Variants in SIK2 observed in about 807,000 individuals in gnomAD.
The protein encoded by SIK2 is serine/threonine-protein kinase SIK2.
SIK2 carries 29 observed loss-of-function variants against 103.2 expected under a neutral mutation model. That is an observed-to-expected ratio of 0.28 (90% CI 0.21 to 0.38). The LOEUF is 0.38. Ranked by LOEUF, SIK2 falls within the 10% of genes least tolerant of loss-of-function variation. SIK2 has a pLI of 1.00. For missense variants in SIK2, 879 were observed against 1,171.0 expected, an observed-to-expected ratio of 0.75 and a Z score of 3.64; for synonymous variants, 412 against 446.1, an observed-to-expected ratio of 0.92 and a Z score of 0.96.
chr11:111,724,064 C>T lies in SIK2; in HGVS notation c.2716C>T (p.Leu906Phe). 6.2e-7 allele frequency: 1 copy of T among 1,614,034 alleles called. No homozygotes were observed. The highest frequency in any genetic ancestry group is 8.5e-7 in the Non-Finnish European group (1 of 1,180,046). Residue 906 changes from leucine to phenylalanine, a missense_variant, in exon 15 of 15, where the codon CTC becomes TTC. Leu to Phe is a conservative substitution (Grantham distance 22). Around this residue, in one of 7 missense-constraint regions of SIK2, gnomAD observed 375 missense variants for 416.3 expected, o/e 0.90. Transcript: ENST00000304987. ...ACTAGCCCTCTCTGAGCTACCTGGACTCTTTGATTGTGAAATGCTAGACGC... is the reference window on the plus strand; with the variant it reads ...ACTAGCCCTCTCTGAGCTACCTGGATTCTTTGATTGTGAAATGCTAGACGC... ...DPLALSELPG[L>F]FDCEMLDAVD... is the part of the protein sequence containing the mutation.
At chr11:111,636,682 A>T (rs1312757342) in intron 3 of SIK2, among the ~76,000 whole-genome samples, 3 of 152,160 alleles carry the variant, frequency 2.0e-5, no homozygotes, top group African/African-American at 7.2e-5. Context: ...TGAAGAAAGG[A>T]TACATAAATA....
chr11:111,670,650 A>T (rs1324471763), intron 3 of SIK2, among the ~76,000 whole-genome samples: 1 of 152,258 alleles, frequency 6.6e-6, no homozygotes, highest in African/African-American at 2.4e-5. Flanking sequence ...TCTTGGATTT[A>T]TGCAGTTCTA....
At chr11:111,624,554 C>T (rs1239413416) in intron 3 of SIK2, among the ~76,000 whole-genome samples, 1 of 152,102 alleles carries the variant, frequency 6.6e-6, no homozygotes, top group East Asian at 1.9e-4. Flanking sequence ...TTCACTTATT[C>T]ATTCATTTAT....
At position 111,605,348 on chromosome 11, in the gene SIK2, A is replaced by G. The variant is rs1321261894; in HGVS notation, c.135+2650A>G. On this transcript the variant is annotated intron_variant, in intron 1 of 14. Coordinates refer to ENST00000304987, the MANE Select transcript of SIK2 (RefSeq NM_015191.3). ...AGCAGTTATTTATCCTTATTCGTTC[A>G]TTCACTGGATAAATGTTTGTGTGTT... Among the ~76,000 whole-genome samples the G allele has an allele frequency of 2.0e-5, 3 of 152,188 alleles. No homozygotes were observed. In the South Asian group the frequency reaches 6.2e-4, roughly 32 times the overall value.
intron 3 of SIK2, among the ~76,000 whole-genome samples, chr11:111,660,839 CTTTTTTTTTTTTTT>C (rs57174726): frequency 1.1e-5 from 1 of 90,398 alleles, no homozygotes; most frequent in African/African-American, 4.3e-5. Context: ...GTGAAGTTGG[CTTTTTTTTTTTTTT>C]TTTTTTTTTT....
chr11:111,691,787 C>G (rs1204056517), intron 4 of SIK2, among the ~76,000 whole-genome samples: 2 of 152,230 alleles, frequency 1.3e-5, no homozygotes, highest in Non-Finnish European at 2.9e-5. Flanking sequence ...AGCTTCTACT[C>G]TGCTCTTGGA....
rs1332556905 is a variant in SIK2, at chr11:111,602,464, G to A, written c.-100G>A. ...AGCGGGAGGGAAGGAGCGAAGGAGC[G>A]AAGGAGCAAGCGGAGCGGCCGTCGC... On this transcript the variant is annotated 5_prime_UTR_variant, in exon 1 of 15. Transcript: ENST00000304987. The surrounding 1 kb of genome is among the most constrained non-coding windows in gnomAD (Gnocchi z 4.5). 4 of 1,294,758 alleles carry A rather than the reference G, an allele frequency of 3.1e-6. No homozygotes were observed. The African/African-American group carries it at 6.2e-5, about 20-fold the overall frequency. 80.2% of individuals were successfully genotyped at this position (1,294,758 alleles called of 1,614,324 possible).
Position 111,644,918 on chromosome 11 carries a change from T to G in SIK2, c.316+24516T>G, listed in dbSNP as rs544631587. Among the ~76,000 whole-genome samples the G allele has an allele frequency of 1.5e-3, 223 of 152,362 alleles. 2 individuals are homozygous for G. The highest frequency in any genetic ancestry group is 5.2e-3 in the African/African-American group (217 of 41,586). On this transcript the variant is annotated intron_variant, in intron 3 of 14. Coordinates refer to ENST00000304987, the MANE Select transcript of SIK2 (RefSeq NM_015191.3). The stretch of plus-strand genomic sequence containing the variant: ...CTAATGGGCTGGGATTTTCATTTAT[T>G]CTTCTAGTAATTCAACAAATACTTG...
In SIK2 at chr11:111,618,898, TC is replaced by T. The variant is rs148881346; in HGVS notation, c.253-1440del. Among the ~76,000 whole-genome samples, 989 of 152,206 alleles carry T rather than the reference TC, an allele frequency of 6.5e-3. 10 individuals are homozygous for T. Among genetic ancestry groups the T allele is most frequent in the African/African-American group, 0.022 (923 of 41,526 alleles). ...ACAAGCACATGCCACTATACCTGGC[TC>T]ATTTTTTAATATTTTTTGCAGAGAC... On this transcript the variant is annotated intron_variant, in intron 2 of 14. Coordinates refer to ENST00000304987, the MANE Select transcript of SIK2 (RefSeq NM_015191.3).
At chr11:111,684,279 T>C (rs1419351834) in intron 3 of SIK2, among the ~76,000 whole-genome samples, 4 of 152,170 alleles carry the variant, frequency 2.6e-5, no homozygotes, top group Admixed American at 2.0e-4. Context: ...ATAGATTCCA[T>C]TGTGCTTCCT....
At position 111,720,437 on chromosome 11, in the gene SIK2, G is replaced by T. The variant is rs763203934; in HGVS notation, c.1496-41G>T. 1.5e-5 allele frequency: 23 copies of T among 1,544,744 alleles called. No homozygotes were observed. In the South Asian group the frequency reaches 2.9e-4, roughly 20 times the overall value. On this transcript the variant is annotated intron_variant, in intron 10 of 14. Transcript: ENST00000304987. The stretch of plus-strand genomic sequence containing the variant: ...TTTGTACCCTATGTTCCAAGGAGAT[G>T]CTATTGCTGTTGGTTTTATCTGTTC...
In SIK2 at chr11:111,688,632, GT is replaced by G. The variant is rs1417981565; in HGVS notation, c.478+474del. The stretch of plus-strand genomic sequence containing the variant: ...CCTTTCCTTGATCTGATACGATAGG[GT>G]TTTGATTTATAACATGAAAATTAAG... On this transcript the variant is annotated intron_variant, in intron 4 of 14. Transcript: ENST00000304987. The surrounding 1 kb of genome is among the most constrained non-coding windows in gnomAD (Gnocchi z 4.2). Among the ~76,000 whole-genome samples, 1 of 152,226 alleles carries G rather than the reference GT, an allele frequency of 6.6e-6. No individual in the cohort carries two copies. The highest frequency in any genetic ancestry group is 1.5e-5 in the Non-Finnish European group (1 of 68,044).
intron 3 of SIK2, among the ~76,000 whole-genome samples, chr11:111,686,807 G>A (rs138746235): frequency 7.4e-4 from 113 of 152,212 alleles, no homozygotes; most frequent in Middle Eastern, 3.4e-3. Context: ...AAATATATTT[G>A]TCTTACAGTT....
rs761735724 is a variant in SIK2 at position 111,705,981 on chromosome 11, A to C, written c.1101+842A>C. 3.9e-5 allele frequency among the ~76,000 whole-genome samples: 6 copies of C among 152,198 alleles called. No individual in the cohort carries two copies. The highest frequency in any genetic ancestry group is 8.8e-5 in the Non-Finnish European group (6 of 68,038). On this transcript the variant is annotated intron_variant, in intron 8 of 14. Transcript: ENST00000304987. The surrounding 1 kb of genome is among the most constrained non-coding windows in gnomAD (Gnocchi z 4.3). ...GAACCATCTTAGAGGTAGACTCTGT[A>C]TGAAGTTAGCAATGGTTCGGAGAGG...
chr11:111,710,807 A>C (rs1943473847), intron 8 of SIK2, among the ~76,000 whole-genome samples: 1 of 152,242 alleles, frequency 6.6e-6, no homozygotes, highest in Non-Finnish European at 1.5e-5. Context: ...CCAGGAATCA[A>C]ACTCAGGTCT....
intron 9 of SIK2, 77 bp downstream of exon 9, chr11:111,712,452 G>C: frequency 6.8e-7 from 1 of 1,466,484 alleles, no homozygotes; most frequent in Non-Finnish European, 9.2e-7. Context: ...GTTGTACTTT[G>C]GCTTTATTGA....
At position 111,705,710 on chromosome 11, in the gene SIK2, G is replaced by A. The variant is rs1254713635; in HGVS notation, c.1101+571G>A. ...ATTGTGAAGAGTTTTGAATGCCAAG[G>A]TAAAGAGTTTACTTACAATTCAAGA... On this transcript the variant is annotated intron_variant, in intron 8 of 14. Transcript: ENST00000304987. This position sits in a 1 kb window ranked among gnomAD's most constrained non-coding sequence, Gnocchi z 4.3. Among the ~76,000 whole-genome samples, 1 of 152,158 alleles carries A rather than the reference G, an allele frequency of 6.6e-6. No homozygotes were observed. Among genetic ancestry groups the A allele is most frequent in the Non-Finnish European group, 1.5e-5 (1 of 68,032 alleles).
chr11:111,631,360 A>G (rs982838260), intron 3 of SIK2, among the ~76,000 whole-genome samples: 3 of 152,190 alleles, frequency 2.0e-5, no homozygotes, highest in African/African-American at 7.2e-5. Context: ...AATAATTAGC[A>G]GTGAGGGAGT....
intron 1 of SIK2, among the ~76,000 whole-genome samples, chr11:111,611,400 T>A (rs922009287): frequency 5.9e-5 from 9 of 152,210 alleles, no homozygotes; most frequent in Non-Finnish European, 8.8e-5. Flanking sequence ...AAAATTATAA[T>A]CTATTTTATA....
Sources: gnomAD v4.1 joint callset for allele counts (sites outside exome capture counted in the v4.1 genomes callset) on GRCh38, gnomAD v4.1.1 for gene constraint, gnomAD v4.1.1 regional missense constraint, Gnocchi (gnomAD v3.1) non-coding constraint, MANE v1.5 for transcripts, NCBI Gene and HGNC (gene_info 2026-07-23, HGNC 2026-07-21) for gene names.